SGCG: variants seen among roughly 807,000 people sequenced by gnomAD.
SGCG encodes the protein sarcoglycan gamma.
In SGCG, 26 loss-of-function variants were observed where a neutral mutation model predicts 29.3. That is an observed-to-expected ratio of 0.89 (90% CI 0.65 to 1.23). The LOEUF is 1.23. SGCG is among the 50% of genes most tolerant of loss of function. The pLI, the probability that SGCG is intolerant of heterozygous loss-of-function variation, is 0.00. For synonymous variants in SGCG, 145 were observed against 129.7 expected (o/e 1.12, Z -0.80); for missense variants, 353 against 356.0 (o/e 0.99, Z 0.07).
At chr13:23,248,819 C>T (rs1186231317) in intron 3 of SGCG, among the ~76,000 whole-genome samples, 1 of 151,224 alleles carries the variant, frequency 6.6e-6, no homozygotes, top group South Asian at 2.1e-4. Context: ...GGTGAAACCC[C>T]GTCTCTACTA....
intron 3 of SGCG, among the ~76,000 whole-genome samples, chr13:23,238,135 C>T (rs1879379487): frequency 6.6e-6 from 1 of 152,120 alleles, no homozygotes; most frequent in African/African-American, 2.4e-5. Context: ...CCTCAAATTG[C>T]CTTAACTCAC....
At chr13:23,180,211 TA>T (rs1876683343), upstream of SGCG, among the ~76,000 whole-genome samples, 1 of 152,194 alleles carries the variant, frequency 6.6e-6, no homozygotes, top group Non-Finnish European at 1.5e-5. Flanking sequence ...AATAAAATAT[TA>T]AAATTATTCA....
intron 5 of SGCG, among the ~76,000 whole-genome samples, chr13:23,294,585 C>A (rs1881834075): frequency 6.6e-6 from 1 of 152,148 alleles, no homozygotes; most frequent in Non-Finnish European, 1.5e-5. Flanking sequence ...ATTGATGACC[C>A]TCCAAATAAT....
At chr13:23,266,502 C>G (rs1198768105) in intron 4 of SGCG, among the ~76,000 whole-genome samples, 1 of 151,884 alleles carries the variant, frequency 6.6e-6, no homozygotes, top group Non-Finnish European at 1.5e-5. Flanking sequence ...TATGGGTATG[C>G]GAAGGCATAC....
In SGCG at chr13:23,241,161, A is replaced by G. The variant is rs528882375; in HGVS notation, c.297+6449A>G. Among the ~76,000 whole-genome samples the G allele has an allele frequency of 1.5e-3, 220 of 150,076 alleles. 3 individuals carry two copies. Among genetic ancestry groups the G allele is most frequent in the African/African-American group, 4.7e-3 (195 of 41,150 alleles). On this transcript the variant is annotated intron_variant, in intron 3 of 7. Coordinates refer to ENST00000218867, the MANE Select transcript of SGCG (RefSeq NM_000231.3). ...GAGACTCCATCTCAAAAAAAAAAAA[A>G]AAGAAGAAGAAGAAAATCGATGACC...
At chr13:23,294,675 T>C (rs901295115) in intron 5 of SGCG, among the ~76,000 whole-genome samples, 2 of 152,224 alleles carry the variant, frequency 1.3e-5, no homozygotes, top group Non-Finnish European at 1.5e-5. Flanking sequence ...AGCATATAGA[T>C]TAAACGTGTG....
the SGCG span, among the ~76,000 whole-genome samples, chr13:23,167,830 C>T: frequency 6.6e-6 from 1 of 151,820 alleles, no homozygotes; most frequent in Non-Finnish European, 1.5e-5. Flanking sequence ...CTCCTGGGTT[C>T]AAATGATTCT....
intron 3 of SGCG, chr13:23,244,873 G>C (rs1879642259): frequency 6.6e-6 from 1 of 152,270 alleles, no homozygotes; most frequent in East Asian, 1.9e-4. Flanking sequence ...TGGCGTGAAG[G>C]CCCTCCAGCT....
At chr13:23,303,101 A>G (rs1882227974) in intron 6 of SGCG, among the ~76,000 whole-genome samples, 1 of 152,184 alleles carries the variant, frequency 6.6e-6, no homozygotes, top group African/African-American at 2.4e-5. Context: ...TCTGTCACCA[A>G]TTTTTTAATT....
In SGCG at chr13:23,252,425, CT is replaced by C. The variant is rs554506869; in HGVS notation, c.385+1709del. ...ATTAATTAGCGGCCGGGCACGGTGG[CT>C]CACGCCTGTAATCCCAGCACTTTGG... On this transcript the variant is annotated intron_variant, in intron 4 of 7. Transcript: ENST00000218867. 2.6e-5 allele frequency among the ~76,000 whole-genome samples: 4 copies of C among 152,160 alleles called. 1 individual carries two copies. Among genetic ancestry groups the C allele is most frequent in the Middle Eastern group, 6.3e-3 (2 of 316 alleles).
chr13:23,316,317 G>C (rs780153924), intron 6 of SGCG, among the ~76,000 whole-genome samples: 1 of 152,206 alleles, frequency 6.6e-6, no homozygotes, highest in Non-Finnish European at 1.5e-5. Context: ...ACTATCTGTA[G>C]ACTCATGGAA....
At chr13:23,288,027 A>G (rs879750268) in intron 5 of SGCG, among the ~76,000 whole-genome samples, 2 of 152,240 alleles carry the variant, frequency 1.3e-5, no homozygotes, top group Non-Finnish European at 2.9e-5. Flanking sequence ...TGCTGGGATT[A>G]CAGGCGTGAG....
At chr13:23,199,900 G>T (rs114318324) in intron 1 of SGCG, among the ~76,000 whole-genome samples, 1 of 152,134 alleles carries the variant, frequency 6.6e-6, no homozygotes, top group African/African-American at 2.4e-5. Context: ...GGCAGATGTG[G>T]GGGGACTCAA....
chr13:23,235,386 A>G (rs533889853), intron 3 of SGCG, among the ~76,000 whole-genome samples: 4 of 152,112 alleles, frequency 2.6e-5, no homozygotes, highest in South Asian at 2.1e-4. Flanking sequence ...ACAAAAAAAA[A>G]AAAGAAAGAA....
intron 1 of SGCG, among the ~76,000 whole-genome samples, chr13:23,184,798 G>A (rs570234661): frequency 6.6e-6 from 1 of 152,296 alleles, no homozygotes; most frequent in African/African-American, 2.4e-5. Context: ...CCTCTTGAGA[G>A]CATTCCCTTA....
chr13:23,226,057 C>T (rs1461297907), intron 2 of SGCG, among the ~76,000 whole-genome samples: 1 of 152,126 alleles, frequency 6.6e-6, no homozygotes, highest in Non-Finnish European at 1.5e-5. Context: ...CAGGCAGATG[C>T]CCTTCCTGTT....
chr13:23,238,656 C>G (rs1207400275), intron 3 of SGCG, among the ~76,000 whole-genome samples: 1 of 152,138 alleles, frequency 6.6e-6, no homozygotes, highest in Non-Finnish European at 1.5e-5. Context: ...GTGATTTGCT[C>G]CATCCCAGAA....
At chr13:23,302,577 G>C (rs1882204251) in intron 6 of SGCG, among the ~76,000 whole-genome samples, 1 of 151,924 alleles carries the variant, frequency 6.6e-6, no homozygotes, top group Non-Finnish European at 1.5e-5. Context: ...ACTCTGATTT[G>C]ATTATTACAT....
chr13:23,223,574 G>A (rs5026268), intron 2 of SGCG, among the ~76,000 whole-genome samples: 90,721 of 152,004 alleles, frequency 0.6, 27,647 homozygotes, highest in East Asian at 0.86. Flanking sequence ...AAATAGTCAC[G>A]TTTCAGATAA....
Sources: gnomAD v4.1 joint callset for allele counts (sites outside exome capture counted in the v4.1 genomes callset) on GRCh38, gnomAD v4.1.1 for gene constraint, MANE v1.5 for transcripts, NCBI Gene and HGNC (gene_info 2026-07-23, HGNC 2026-07-21) for gene names.